WDR37: variants seen among roughly 807,000 people sequenced by gnomAD.
WDR37 encodes the protein WD repeat-containing protein 37.
WDR37 carries 19 observed loss-of-function variants against 62.9 expected under a neutral mutation model. The observed-to-expected ratio is 0.30, with a 90% CI of 0.21 to 0.44. WDR37 has a LOEUF of 0.44. WDR37 is among the 20% of genes least tolerant of loss of function. The probability of loss-of-function intolerance (pLI) is 1.00; values close to 1 mark genes in which losing one functional copy is unlikely to be tolerated. For missense variants in WDR37, 474 were observed against 657.6 expected, an observed-to-expected ratio of 0.72 and a Z score of 3.05; for synonymous variants, 250 against 260.9, an observed-to-expected ratio of 0.96 and a Z score of 0.40.
At chr10:1,088,244 G>A (rs1834266156) in intron 7 of WDR37, among the ~76,000 whole-genome samples, 1 of 152,204 alleles carries the variant, frequency 6.6e-6, no homozygotes, top group Admixed American at 6.5e-5. Context: ...CACTGGAATA[G>A]TGCTCTTACT....
chr10:1,057,646 A>G (rs192096506), intron 1 of WDR37, among the ~76,000 whole-genome samples: 47 of 152,364 alleles, frequency 3.1e-4, no homozygotes, highest in African/African-American at 1.1e-3. Context: ...ACACAAGAGC[A>G]ACAATAATAA....
chr10:1,120,902 C>T (rs1031319448), intron 11 of WDR37, among the ~76,000 whole-genome samples: 5 of 152,238 alleles, frequency 3.3e-5, no homozygotes, highest in Admixed American at 6.5e-5. Flanking sequence ...ATGCCAGCTT[C>T]GCGGCGTTTC....
chr10:1,131,288 G>A lies in WDR37; in HGVS notation c.*1944G>A, dbSNP rs965234864. On this transcript the variant is annotated 3_prime_UTR_variant, in exon 14 of 14. Coordinates refer to ENST00000263150, the MANE Select transcript of WDR37 (RefSeq NM_014023.4). ...GGGCCACTGCACAGGCCACCTGCTT[G>A]GGTTCCTCGGAGTTTAATTTGAAAG... 1.3e-5 allele frequency: 2 copies of A among 152,232 alleles called. No homozygotes were observed. The highest frequency in any genetic ancestry group is 2.9e-5 in the Non-Finnish European group (2 of 68,064). 9.4% of individuals were successfully genotyped at this position (152,232 alleles called of 1,614,324 possible). A position where few individuals can be genotyped will look rare whatever the true frequency, so the allele number is the denominator to read the frequency against.
At chr10:1,086,979 C>T (rs923984804) in intron 7 of WDR37, among the ~76,000 whole-genome samples, 29 of 152,356 alleles carry the variant, frequency 1.9e-4, no homozygotes, top group African/African-American at 6.0e-4. Context: ...CACACCTCCA[C>T]GCTGCCAGGC....
At chr10:1,100,288 A>G (rs527603910) in intron 9 of WDR37, among the ~76,000 whole-genome samples, 1 of 152,176 alleles carries the variant, frequency 6.6e-6, no homozygotes, top group South Asian at 2.1e-4. Flanking sequence ...TCCTGGGAGC[A>G]CTGCACACAC....
intron 1 of WDR37, among the ~76,000 whole-genome samples, chr10:1,060,823 G>T (rs569066144): frequency 1.3e-5 from 2 of 152,188 alleles, no homozygotes; most frequent in Admixed American, 6.5e-5. Context: ...TCTATGTGTA[G>T]ATATGTTTAG....
At position 1,105,270 on chromosome 10, in the gene WDR37, G is replaced by A. The variant is rs1834965112; in HGVS notation, c.1103+3G>A. 1.2e-6 allele frequency: 2 copies of A among 1,613,466 alleles called. No homozygotes were observed. On this transcript the variant is annotated splice_donor_region_variant and intron_variant, in intron 11 of 13. Transcript: ENST00000263150. The surrounding 1 kb of genome is among the most constrained non-coding windows in gnomAD (Gnocchi z 5.3). Reference sequence around the variant, plus strand: ...AATGTTTTCCAGGGACACACGGAGTGAGTTGCGGTAGTTTAGACATCTGTC... The same window carrying A: ...AATGTTTTCCAGGGACACACGGAGTAAGTTGCGGTAGTTTAGACATCTGTC...
chr10:1,065,774 CA>C (rs1401281392), intron 1 of WDR37, among the ~76,000 whole-genome samples: 1 of 152,184 alleles, frequency 6.6e-6, no homozygotes, highest in Non-Finnish European at 1.5e-5. Flanking sequence ...CAGGGCAAAG[CA>C]AGGGTGTTTG....
chr10:1,128,831 A>C (rs568429279), intron 13 of WDR37, among the ~76,000 whole-genome samples: 52 of 146,150 alleles, frequency 3.6e-4, no homozygotes, highest in Non-Finnish European at 6.5e-4. Context: ...TCGGCGGTCC[A>C]TGCTCGGTGG....
chr10:1,113,950 CTTTTTTTTTTTTT>C (rs56654628), intron 11 of WDR37, among the ~76,000 whole-genome samples: 31 of 76,200 alleles, frequency 4.1e-4, no homozygotes, highest in Non-Finnish European at 6.5e-4. Context: ...GGTAAAATGC[CTTTTTTTTTTTTT>C]TTTTTTTTTT....
chr10:1,077,858 T>C, intron 2 of WDR37, 49 bp from the exon 3 acceptor site: 1 of 1,391,248 alleles, frequency 7.2e-7, no homozygotes, highest in Non-Finnish European at 1.0e-6. Flanking sequence ...TATTTGTACT[T>C]AGAGTTTTTC....
intron 13 of WDR37, 153 bp downstream of exon 13, chr10:1,125,177 A>G (rs1219530071): frequency 1.1e-6 from 1 of 909,512 alleles, no homozygotes; most frequent in African/African-American, 1.8e-5. Flanking sequence ...TTAAAATTGA[A>G]GAAGTAGAGT....
In WDR37 at chr10:1,059,695, G is replaced by A. The variant is rs572957756; in HGVS notation, c.-41+2727G>A. Among the ~76,000 whole-genome samples, 490 of 152,066 alleles carry A rather than the reference G, an allele frequency of 3.2e-3. 3 individuals are homozygous for A. Among genetic ancestry groups the A allele is most frequent in the South Asian group, 9.7e-3 (47 of 4,822 alleles). ...TGCTTGTAACCCCAACTACTCAGGA[G>A]GCTGAGGCAGAGAATTGGTTGAACC... On this transcript the variant is annotated intron_variant, in intron 1 of 13. Coordinates refer to ENST00000263150, the MANE Select transcript of WDR37 (RefSeq NM_014023.4).
intron 8 of WDR37, among the ~76,000 whole-genome samples, chr10:1,094,776 G>A (rs1016600884): frequency 6.6e-6 from 1 of 151,798 alleles, no homozygotes; most frequent in Non-Finnish European, 1.5e-5. Flanking sequence ...GAAACATGAG[G>A]TAATGGGGAT....
At position 1,085,989 on chromosome 10, in the gene WDR37, G is replaced by A. The variant is rs530017959; in HGVS notation, c.533-297G>A. On this transcript the variant is annotated intron_variant, in intron 6 of 13. Transcript: ENST00000263150. ...TAATAAAATAATGAAACTGTGATGG[G>A]AACGACCTCTGTCTGTCATTTTCCA... Among the ~76,000 whole-genome samples the A allele has an allele frequency of 3.6e-3, 553 of 152,308 alleles. 2 individuals carry two copies. Among genetic ancestry groups the A allele is most frequent in the Middle Eastern group, 6.8e-3 (2 of 294 alleles).
intron 6 of WDR37, among the ~76,000 whole-genome samples, chr10:1,085,322 G>GACTT (rs1834166054): frequency 6.7e-6 from 1 of 148,630 alleles, no homozygotes; most frequent in Non-Finnish European, 1.5e-5. Context: ...GGATGTATTT[G>GACTT]ACTTTTTTCC....
chr10:1,102,092 C>G (rs1834831416), intron 9 of WDR37, among the ~76,000 whole-genome samples: 1 of 139,084 alleles, frequency 7.2e-6, no homozygotes, highest in Admixed American at 7.5e-5. Flanking sequence ...TGCTGCCGTG[C>G]GTCCCTGTGA....
intron 7 of WDR37, among the ~76,000 whole-genome samples, chr10:1,086,907 C>T (rs1006285841): frequency 6.6e-6 from 1 of 152,208 alleles, no homozygotes; most frequent in Admixed American, 6.5e-5. Flanking sequence ...TGTTTCCTCT[C>T]GCACGTGCTG....
chr10:1,106,243 C>G (rs1367913875), intron 11 of WDR37, among the ~76,000 whole-genome samples: 1 of 152,038 alleles, frequency 6.6e-6, no homozygotes, highest in Non-Finnish European at 1.5e-5. Context: ...TTCCCCGTTC[C>G]CCCATCATGC....
Sources: gnomAD v4.1 joint callset for allele counts (sites outside exome capture counted in the v4.1 genomes callset) on GRCh38, gnomAD v4.1.1 for gene constraint, Gnocchi (gnomAD v3.1) non-coding constraint, MANE v1.5 for transcripts, NCBI Gene and HGNC (gene_info 2026-07-23, HGNC 2026-07-21) for gene names.